The following HHAT variants were observed in gnomAD, a reference collection of about 807,000 sequenced individuals.
HHAT encodes hedgehog acyltransferase, also known as protein-cysteine N-palmitoyltransferase HHAT.
HHAT carries 47 observed loss-of-function variants against 70.8 expected under a neutral mutation model. The observed-to-expected ratio is 0.66, with a 90% CI of 0.53 to 0.85. HHAT has a LOEUF of 0.85. HHAT is among the 40% of genes least tolerant of loss of function. The probability of loss-of-function intolerance (pLI) is 0.00; values close to 1 mark genes in which losing one functional copy is unlikely to be tolerated. For synonymous variants in HHAT, 228 were observed against 247.6 expected (o/e 0.92, Z 0.74); for missense variants, 609 against 604.8 (o/e 1.01, Z -0.07).
At chr1:210,608,300 A>G (rs892611980) in intron 10 of HHAT, among the ~76,000 whole-genome samples, 5 of 152,174 alleles carry the variant, frequency 3.3e-5, no homozygotes, top group Non-Finnish European at 7.3e-5. Context: ...TCATTTTTAC[A>G]TTTTAAAATT....
intron 9 of HHAT, among the ~76,000 whole-genome samples, chr1:210,532,316 T>C (rs534012948): frequency 1.2e-3 from 180 of 152,324 alleles, no homozygotes; most frequent in Non-Finnish European, 1.8e-3. Context: ...AATGCAGATA[T>C]GTATTGTTTC....
At chr1:210,335,473 T>C (rs1242530004) in intron 1 of HHAT, among the ~76,000 whole-genome samples, 1 of 152,114 alleles carries the variant, frequency 6.6e-6, no homozygotes, top group African/African-American at 2.4e-5. Context: ...GATAAGCAGA[T>C]TGGAAATTTA....
chr1:210,569,194 C>T (rs1251091757), intron 9 of HHAT, among the ~76,000 whole-genome samples: 1 of 151,424 alleles, frequency 6.6e-6, no homozygotes, highest in Admixed American at 6.6e-5. Context: ...GCCAACATGG[C>T]GAAACCCCAT....
intron 4 of HHAT, among the ~76,000 whole-genome samples, chr1:210,399,921 A>G (rs2091980990): frequency 6.6e-6 from 1 of 152,236 alleles, no homozygotes; most frequent in South Asian, 2.1e-4. Context: ...AAATTTGACT[A>G]ATCAATATGC....
chr1:210,648,811 G>A (rs1230625021), intron 11 of HHAT, among the ~76,000 whole-genome samples: 1 of 152,186 alleles, frequency 6.6e-6, no homozygotes, highest in Non-Finnish European at 1.5e-5. Context: ...TTTGAAAATT[G>A]CATGGAGGTC....
intron 6 of HHAT, among the ~76,000 whole-genome samples, chr1:210,414,700 C>G (rs2092667191): frequency 6.6e-6 from 1 of 152,080 alleles, no homozygotes; most frequent in Non-Finnish European, 1.5e-5. Flanking sequence ...TGTAAGATCA[C>G]ATTACTTTTT....
intron 4 of HHAT, among the ~76,000 whole-genome samples, chr1:210,394,853 A>G (rs1249279248): frequency 6.6e-6 from 1 of 152,016 alleles, no homozygotes; most frequent in Non-Finnish European, 1.5e-5. Context: ...AGCCCCTTCT[A>G]CCTCCATCAG....
intron 9 of HHAT, among the ~76,000 whole-genome samples, chr1:210,540,381 A>G (rs910438576): frequency 4.6e-5 from 7 of 152,018 alleles, no homozygotes; most frequent in Admixed American, 4.6e-4. Flanking sequence ...AAAACTGGGG[A>G]AAAAATACCA....
chr1:210,651,175 G>C (rs1019971634), intron 11 of HHAT, among the ~76,000 whole-genome samples: 2 of 152,184 alleles, frequency 1.3e-5, no homozygotes, highest in Non-Finnish European at 2.9e-5. Flanking sequence ...TTCTGTGCAT[G>C]GCAAATGCCC....
At chr1:210,454,065 T>G (rs1479088607) in intron 7 of HHAT, among the ~76,000 whole-genome samples, 1 of 152,164 alleles carries the variant, frequency 6.6e-6, no homozygotes. Flanking sequence ...CTTGTGAGAC[T>G]TACTATCACG....
chr1:210,605,348 A>G (rs568764533), intron 10 of HHAT, among the ~76,000 whole-genome samples: 171 of 152,280 alleles, frequency 1.1e-3, no homozygotes, highest in Non-Finnish European at 2.0e-3. Flanking sequence ...TTCAGACTAG[A>G]AGAATCTTCT....
intron 9 of HHAT, among the ~76,000 whole-genome samples, chr1:210,537,291 T>A (rs925435159): frequency 6.6e-6 from 1 of 152,172 alleles, no homozygotes; most frequent in Admixed American, 6.5e-5. Flanking sequence ...TCCCTCACCC[T>A]TCTTCTGCTG....
intron 2 of HHAT, 93 bp downstream of exon 2, chr1:210,349,159 T>C: frequency 7.5e-7 from 1 of 1,326,752 alleles, no homozygotes; most frequent in Non-Finnish European, 1.0e-6. Flanking sequence ...GATGATCCAA[T>C]AGTGTCAAGA....
upstream of HHAT, among the ~76,000 whole-genome samples, chr1:210,327,697 G>T (rs911520230): frequency 7.0e-6 from 1 of 142,806 alleles, no homozygotes; most frequent in Non-Finnish European, 1.6e-5. Flanking sequence ...GTAGAGACGG[G>T]GTCTCACCAT....
upstream of HHAT, chr1:210,328,770 C>T: frequency 5.8e-6 from 2 of 342,342 alleles, no homozygotes; most frequent in Non-Finnish European, 1.1e-5. Context: ...CTAGGGGCCC[C>T]GGGCCGCCGG....
chr1:210,376,278 A>G (rs1018154634), intron 3 of HHAT, among the ~76,000 whole-genome samples: 1 of 152,174 alleles, frequency 6.6e-6, no homozygotes, highest in Non-Finnish European at 1.5e-5. Flanking sequence ...TTTACTTAAT[A>G]CTTAATTTTG....
intron 1 of HHAT, among the ~76,000 whole-genome samples, chr1:210,336,644 G>A (rs1258999854): frequency 6.6e-6 from 1 of 151,924 alleles, no homozygotes; most frequent in Non-Finnish European, 1.5e-5. Flanking sequence ...ATTAGCAGGG[G>A]GTGGTGATGC....
chr1:210,475,689 ATTC>A (rs1231679086), intron 8 of HHAT, among the ~76,000 whole-genome samples: 3 of 152,330 alleles, frequency 2.0e-5, no homozygotes, highest in Non-Finnish European at 2.9e-5. Context: ...TTGATGACAT[ATTC>A]TTCTTTAGGG....
chr1:210,500,971 C>T (rs932906753), intron 8 of HHAT, among the ~76,000 whole-genome samples: 2 of 152,202 alleles, frequency 1.3e-5, no homozygotes, highest in African/African-American at 4.8e-5. Flanking sequence ...AGCATCAGCT[C>T]CTCTGGGAAG....
Sources: gnomAD v4.1 joint callset for allele counts (sites outside exome capture counted in the v4.1 genomes callset) on GRCh38, gnomAD v4.1.1 for gene constraint, MANE v1.5 for transcripts, NCBI Gene and HGNC (gene_info 2026-07-23, HGNC 2026-07-21) for gene names.